Variants in CAMK4 observed in about 807,000 individuals in gnomAD.
The protein encoded by CAMK4 is calcium/calmodulin dependent protein kinase IV.
In CAMK4, 22 loss-of-function variants were observed where a neutral mutation model predicts 44.9. That is an observed-to-expected ratio of 0.49 (90% CI 0.35 to 0.70). The LOEUF is 0.70. Among genes scored for constraint, CAMK4 ranks in the 30% least tolerant of loss-of-function variants. The probability of loss-of-function intolerance (pLI) is 0.01; values close to 1 mark genes in which losing one functional copy is unlikely to be tolerated. For missense variants in CAMK4, 498 were observed against 586.8 expected, an observed-to-expected ratio of 0.85 and a Z score of 1.56; for synonymous variants, 218 against 215.4, an observed-to-expected ratio of 1.01 and a Z score of -0.11.
At chr5:111,403,677 A>T (rs1580706806) in intron 5 of CAMK4, among the ~76,000 whole-genome samples, 1 of 152,206 alleles carries the variant, frequency 6.6e-6, no homozygotes, top group East Asian at 1.9e-4. Context: ...TAGACATTTT[A>T]TCAGAAATTT....
At chr5:111,328,855 T>C (rs1223665097) in intron 1 of CAMK4, among the ~76,000 whole-genome samples, 1 of 152,090 alleles carries the variant, frequency 6.6e-6, no homozygotes, top group Non-Finnish European at 1.5e-5. Context: ...TTTTGTACAT[T>C]GATTTTGTAT....
chr5:111,305,874 C>T (rs1747914740), intron 1 of CAMK4, among the ~76,000 whole-genome samples: 1 of 93,542 alleles, frequency 1.1e-5, no homozygotes, highest in Non-Finnish European at 2.0e-5. Flanking sequence ...CCGAATCCAG[C>T]AGCACATCAA....
At chr5:111,291,452 T>C (rs1297795735) in intron 1 of CAMK4, among the ~76,000 whole-genome samples, 1 of 152,244 alleles carries the variant, frequency 6.6e-6, no homozygotes, top group Non-Finnish European at 1.5e-5. Context: ...TTACTCATCC[T>C]TATGTCGTCA....
At chr5:111,476,672 C>A (rs930420441) in intron 8 of CAMK4, among the ~76,000 whole-genome samples, 5 of 152,072 alleles carry the variant, frequency 3.3e-5, no homozygotes, top group Non-Finnish European at 5.9e-5. Context: ...AAATGAAGGC[C>A]ATTCTATTTT....
chr5:111,380,377 A>C (rs1751368930), intron 4 of CAMK4, among the ~76,000 whole-genome samples: 1 of 151,734 alleles, frequency 6.6e-6, no homozygotes, highest in South Asian at 2.1e-4. Context: ...TTTTAAGTTC[A>C]GGGGTACATT....
intron 7 of CAMK4, among the ~76,000 whole-genome samples, chr5:111,460,189 A>G (rs1043878173): frequency 2.7e-4 from 41 of 151,976 alleles, no homozygotes; most frequent in African/African-American, 9.6e-4. Context: ...TGCAAGAATT[A>G]TTATTGATTA....
At position 111,486,015 on chromosome 5, in the gene CAMK4, C is replaced by G. The variant is rs1755604440; in HGVS notation, c.*1549C>G. On this transcript the variant is annotated 3_prime_UTR_variant, in exon 11 of 11. Transcript: ENST00000282356. Reference sequence around the variant, plus strand: ...AAATAAAGACAATAAAAATGACTATCACATAAAAATCCTTGTTAAAAAAGA... The same window carrying G: ...AAATAAAGACAATAAAAATGACTATGACATAAAAATCCTTGTTAAAAAAGA... 1.3e-5 allele frequency: 2 copies of G among 152,124 alleles called. No homozygotes were observed. Among genetic ancestry groups the G allele is most frequent in the Admixed American group, 6.6e-5 (1 of 15,266 alleles). The allele number at this position is 152,124 out of a possible 1,614,324, so 9.4% of individuals were successfully genotyped here. A position where few individuals can be genotyped will look rare whatever the true frequency, so the allele number is the denominator to read the frequency against.
At chr5:111,342,659 G>A (rs1749692286) in intron 1 of CAMK4, among the ~76,000 whole-genome samples, 1 of 151,248 alleles carries the variant, frequency 6.6e-6, no homozygotes, top group African/African-American at 2.4e-5. Context: ...CCACCACATT[G>A]TTAGCTGTTT....
At chr5:111,441,214 C>T (rs1425333271) in intron 5 of CAMK4, among the ~76,000 whole-genome samples, 2 of 152,180 alleles carry the variant, frequency 1.3e-5, no homozygotes, top group African/African-American at 4.8e-5. Flanking sequence ...GATATTTAAA[C>T]AGAACTTAGC....
chr5:111,460,822 A>C (rs1480852367), intron 7 of CAMK4, among the ~76,000 whole-genome samples: 1 of 152,176 alleles, frequency 6.6e-6, no homozygotes, highest in Non-Finnish European at 1.5e-5. Flanking sequence ...CAGAAAAGCA[A>C]ATTTCACAGG....
intron 1 of CAMK4, among the ~76,000 whole-genome samples, chr5:111,257,914 C>A (rs1309668484): frequency 6.6e-6 from 1 of 152,180 alleles, no homozygotes; most frequent in African/African-American, 2.4e-5. Context: ...CCAAACACTG[C>A]ACGTTCTCAC....
intron 1 of CAMK4, among the ~76,000 whole-genome samples, chr5:111,286,852 T>C (rs1201247015): frequency 6.6e-6 from 1 of 152,182 alleles, no homozygotes; most frequent in Non-Finnish European, 1.5e-5. Flanking sequence ...GAAACTAACT[T>C]TTTGATTGCT....
rs774377335 is a variant in CAMK4 at position 111,446,779 on chromosome 5, G to A, written c.550+3G>A. 66 of 1,583,228 alleles carry A rather than the reference G, an allele frequency of 4.2e-5. No homozygotes were observed. Among genetic ancestry groups the A allele is most frequent in the Non-Finnish European group, 5.2e-5 (60 of 1,152,292 alleles). ...CCCAGATGCACCACTCAAAATCGGT[G>A]AGAACATTTCTTCTTGTTTTGTGAC... On this transcript the variant is annotated splice_donor_region_variant and intron_variant, in intron 6 of 10. Coordinates refer to ENST00000282356, the MANE Select transcript of CAMK4 (RefSeq NM_001744.6).
At position 111,325,378 on chromosome 5, in the gene CAMK4, C is replaced by T. The variant is rs188501951; in HGVS notation, c.162-18646C>T. Among the ~76,000 whole-genome samples, 329 of 151,992 alleles carry T rather than the reference C, an allele frequency of 2.2e-3. 3 individuals carry two copies. Among genetic ancestry groups the T allele is most frequent in the Admixed American group, 8.0e-3 (122 of 15,248 alleles). On this transcript the variant is annotated intron_variant, in intron 1 of 10. Transcript: ENST00000282356. ...TTATAATACTTTAGATATAATACCC[C>T]GTAGTAGGATTGCCGGGTCAAATGG...
intron 2 of CAMK4, among the ~76,000 whole-genome samples, chr5:111,354,660 G>A (rs1235041985): frequency 6.6e-6 from 1 of 151,946 alleles, no homozygotes; most frequent in African/African-American, 2.4e-5. Flanking sequence ...AGTGAGCTGA[G>A]AACTCCAGCC....
intron 4 of CAMK4, among the ~76,000 whole-genome samples, chr5:111,384,498 C>G (rs1450838406): frequency 2.0e-5 from 3 of 152,138 alleles, no homozygotes; most frequent in African/African-American, 7.2e-5. Flanking sequence ...AAGATGAAAA[C>G]TGTATTTTCA....
intron 2 of CAMK4, among the ~76,000 whole-genome samples, chr5:111,373,204 G>C (rs1751077580): frequency 6.6e-6 from 1 of 151,966 alleles, no homozygotes; most frequent in African/African-American, 2.4e-5. Flanking sequence ...AACTTTTATT[G>C]CAGTTTACCA....
intron 5 of CAMK4, among the ~76,000 whole-genome samples, chr5:111,412,146 A>T: frequency 6.6e-6 from 1 of 152,206 alleles, no homozygotes; most frequent in East Asian, 1.9e-4. Context: ...GTAATTATTT[A>T]TTCAGATGCA....
At chr5:111,325,651 A>G (rs1458499290) in intron 1 of CAMK4, among the ~76,000 whole-genome samples, 1 of 151,834 alleles carries the variant, frequency 6.6e-6, no homozygotes, top group Non-Finnish European at 1.5e-5. Context: ...TTTTTTCCCT[A>G]TGTTTCTTGG....
Sources: gnomAD v4.1 joint callset for allele counts (sites outside exome capture counted in the v4.1 genomes callset) on GRCh38, gnomAD v4.1.1 for gene constraint, MANE v1.5 for transcripts, NCBI Gene and HGNC (gene_info 2026-07-23, HGNC 2026-07-21) for gene names.